The following TTC28 variants were observed in gnomAD, a reference collection of about 807,000 sequenced individuals.
The protein encoded by TTC28 is tetratricopeptide repeat protein 28.
A neutral mutation model predicts 198.0 loss-of-function variants in TTC28; 61 were observed. That is an observed-to-expected ratio of 0.31 (90% CI 0.25 to 0.38). The LOEUF (loss-of-function observed/expected upper bound fraction) is 0.38. Among genes scored for constraint, TTC28 ranks in the 10% least tolerant of loss-of-function variants. The probability of loss-of-function intolerance (pLI) is 1.00; values close to 1 mark genes in which losing one functional copy is unlikely to be tolerated. For synonymous variants in TTC28, 1,171 were observed against 1,297.8 expected (o/e 0.90, Z 2.10); for missense variants, 2,678 against 3,164.0 (o/e 0.85, Z 3.69).
At chr22:28,019,632 C>T (rs979042629) in intron 13 of TTC28, among the ~76,000 whole-genome samples, 1 of 152,226 alleles carries the variant, frequency 6.6e-6, no homozygotes, top group South Asian at 2.1e-4. Flanking sequence ...TACACTGTCA[C>T]GACAATCTAG....
intron 2 of TTC28, among the ~76,000 whole-genome samples, chr22:28,492,003 C>G (rs376303289): frequency 6.6e-6 from 1 of 151,636 alleles, no homozygotes; most frequent in Non-Finnish European, 1.5e-5. Context: ...AGCAAACTAT[C>G]GCAAGGACAA....
intron 14 of TTC28, among the ~76,000 whole-genome samples, chr22:28,012,864 T>C (rs1263354136): frequency 2.6e-5 from 4 of 152,150 alleles, no homozygotes; most frequent in African/African-American, 9.7e-5. Flanking sequence ...TTGGGTGTTA[T>C]CATCCTCATT....
chr22:28,358,932 G>T (rs73437897), intron 2 of TTC28, among the ~76,000 whole-genome samples: 2 of 151,756 alleles, frequency 1.3e-5, no homozygotes, highest in African/African-American at 4.8e-5. Flanking sequence ...CCTTCACATC[G>T]CCTGTCTTCA....
At chr22:28,632,337 GACTCATTGC>G (rs1405862922) in intron 1 of TTC28, among the ~76,000 whole-genome samples, 4 of 122,126 alleles carry the variant, frequency 3.3e-5, no homozygotes, top group African/African-American at 1.3e-4. Context: ...GCATGATCTC[GACTCATTGC>G]AACCTCTGCA....
chr22:28,549,805 A>T (rs1474643034), intron 2 of TTC28, among the ~76,000 whole-genome samples: 2 of 152,228 alleles, frequency 1.3e-5, no homozygotes, highest in Non-Finnish European at 2.9e-5. Context: ...TGGAAGAGAT[A>T]AGTCACTGTA....
intron 5 of TTC28, among the ~76,000 whole-genome samples, chr22:28,218,188 T>C (rs1927555292): frequency 6.6e-6 from 1 of 152,218 alleles, no homozygotes; most frequent in African/African-American, 2.4e-5. Context: ...TTCAAATGCA[T>C]TGGTTTATCT....
chr22:28,332,152 T>C (rs2145876494), intron 2 of TTC28, among the ~76,000 whole-genome samples: 1 of 152,208 alleles, frequency 6.6e-6, no homozygotes, highest in East Asian at 1.9e-4. Context: ...GAATCCCAAA[T>C]GCTTAAAAAC....
At chr22:28,511,760 GT>G (rs1373501742) in intron 2 of TTC28, among the ~76,000 whole-genome samples, 7 of 151,824 alleles carry the variant, frequency 4.6e-5, no homozygotes, top group Admixed American at 4.6e-4. Flanking sequence ...GGAGGTTGCA[GT>G]GAGCTGAGAT....
At chr22:28,344,990 T>C (rs2045883717) in intron 2 of TTC28, among the ~76,000 whole-genome samples, 1 of 152,202 alleles carries the variant, frequency 6.6e-6, no homozygotes, top group Non-Finnish European at 1.5e-5. Flanking sequence ...GGTAAGCAGC[T>C]TGCCTCACGT....
chr22:28,265,997 T>C (rs1931658609), intron 5 of TTC28, among the ~76,000 whole-genome samples: 1 of 152,022 alleles, frequency 6.6e-6, no homozygotes, highest in Non-Finnish European at 1.5e-5. Context: ...CTGGCTAACA[T>C]GGCAAAACCC....
At chr22:28,390,829 T>C (rs1478494114) in intron 2 of TTC28, among the ~76,000 whole-genome samples, 1 of 152,226 alleles carries the variant, frequency 6.6e-6, no homozygotes, top group Non-Finnish European at 1.5e-5. Flanking sequence ...AATTGGAGCA[T>C]TTAGTCCATT....
chr22:28,067,351 C>T (rs745645030), intron 12 of TTC28, among the ~76,000 whole-genome samples: 1 of 152,110 alleles, frequency 6.6e-6, no homozygotes. Flanking sequence ...ATGTAGTATG[C>T]GTCTGACAAA....
chr22:28,534,535 C>G (rs1057303238), intron 2 of TTC28, among the ~76,000 whole-genome samples: 1 of 152,174 alleles, frequency 6.6e-6, no homozygotes, highest in African/African-American at 2.4e-5. Flanking sequence ...ACTAGAAATA[C>G]GATTTGAACC....
intron 2 of TTC28, among the ~76,000 whole-genome samples, chr22:28,473,989 A>C (rs2048130440): frequency 6.6e-6 from 1 of 152,194 alleles, no homozygotes; most frequent in Non-Finnish European, 1.5e-5. Context: ...TAAGCTATCC[A>C]GTTTGTGGTA....
intron 6 of TTC28, among the ~76,000 whole-genome samples, chr22:28,122,867 T>C (rs1387313997): frequency 6.6e-6 from 1 of 152,248 alleles, no homozygotes; most frequent in Non-Finnish European, 1.5e-5. Context: ...TAGTAACTCT[T>C]CTAATAATAT....
chr22:28,066,329 G>A (rs544357478), intron 12 of TTC28, among the ~76,000 whole-genome samples: 28 of 151,840 alleles, frequency 1.8e-4, no homozygotes, highest in South Asian at 2.1e-4. Flanking sequence ...GTGTGCGCGC[G>A]CGCATGCATG....
intron 2 of TTC28, among the ~76,000 whole-genome samples, chr22:28,626,091 C>A (rs751910662): frequency 1.3e-5 from 2 of 152,044 alleles, no homozygotes; most frequent in Non-Finnish European, 2.9e-5. Flanking sequence ...AGAAGAAAAT[C>A]TTTGTAACCT....
chr22:28,029,359 C>A (rs1420940493), intron 13 of TTC28, among the ~76,000 whole-genome samples: 1 of 152,180 alleles, frequency 6.6e-6, no homozygotes, highest in Non-Finnish European at 1.5e-5. Context: ...GCGCACAATG[C>A]CCTGCACAGC....
At chr22:28,661,605 A>G (rs1270708240) in intron 1 of TTC28, among the ~76,000 whole-genome samples, 3 of 151,048 alleles carry the variant, frequency 2.0e-5, no homozygotes, top group Non-Finnish European at 2.9e-5. Flanking sequence ...ATTGATAGAC[A>G]GATAGTTTTG....
Sources: gnomAD v4.1 joint callset for allele counts (sites outside exome capture counted in the v4.1 genomes callset) on GRCh38, gnomAD v4.1.1 for gene constraint, MANE v1.5 for transcripts, NCBI Gene and HGNC (gene_info 2026-07-23, HGNC 2026-07-21) for gene names.